The following PDE4D variants were observed in gnomAD, a reference collection of about 807,000 sequenced individuals.
PDE4D encodes 3',5'-cyclic-AMP phosphodiesterase 4D.
A neutral mutation model predicts 87.4 loss-of-function variants in PDE4D; 24 were observed. The observed-to-expected ratio is 0.27, with a 90% CI of 0.20 to 0.39. The LOEUF (loss-of-function observed/expected upper bound fraction) is 0.39, where lower values mean the gene tolerates loss of function less well. Among genes scored for constraint, PDE4D ranks in the 10% least tolerant of loss-of-function variants. PDE4D has a pLI of 1.00. For synonymous variants in PDE4D, 384 were observed against 383.2 expected (o/e 1.00, Z -0.02); for missense variants, 714 against 1,041.0 (o/e 0.69, Z 4.32).
intron 1 of PDE4D, among the ~76,000 whole-genome samples, chr5:59,353,635 C>A (rs1222746697): frequency 1.3e-5 from 2 of 151,884 alleles, no homozygotes; most frequent in African/African-American, 2.4e-5. Context: ...TCTGGGCTCA[C>A]AGAGAAAAAG....
chr5:59,713,478 G>C (rs1295110917), intron 1 of PDE4D, among the ~76,000 whole-genome samples: 2 of 152,184 alleles, frequency 1.3e-5, no homozygotes, highest in Non-Finnish European at 2.9e-5. Context: ...CTCACACTCA[G>C]ACAGTAAAGG....
intron 1 of PDE4D, among the ~76,000 whole-genome samples, chr5:59,582,233 A>T (rs957984668): frequency 6.6e-6 from 1 of 152,198 alleles, no homozygotes; most frequent in Admixed American, 6.5e-5. Flanking sequence ...ATTATCTTAC[A>T]TGAGACTTGA....
intron 1 of PDE4D, among the ~76,000 whole-genome samples, chr5:60,415,516 C>T (rs764883195): frequency 6.6e-5 from 10 of 152,216 alleles, no homozygotes; most frequent in Non-Finnish European, 1.5e-4. Flanking sequence ...GTGCGAGTTC[C>T]GGTGGGCGTG....
intron 1 of PDE4D, among the ~76,000 whole-genome samples, chr5:59,683,269 T>C (rs796875653): frequency 7.9e-5 from 12 of 152,168 alleles, no homozygotes; most frequent in African/African-American, 2.9e-4. Flanking sequence ...GAGACAGAGA[T>C]TGAATAAAGT....
At chr5:60,477,516 G>A (rs537189648) in intron 1 of PDE4D, among the ~76,000 whole-genome samples, 1 of 152,230 alleles carries the variant, frequency 6.6e-6, no homozygotes, top group South Asian at 2.1e-4. Context: ...TTTCCAAAAG[G>A]GAGGCTGTTA....
chr5:59,777,339 G>A (rs1486984028), intron 1 of PDE4D, among the ~76,000 whole-genome samples: 2 of 152,176 alleles, frequency 1.3e-5, no homozygotes, highest in Non-Finnish European at 2.9e-5. Flanking sequence ...GAGGGATGGG[G>A]CCATGCCTCT....
chr5:60,433,686 A>T (rs1408775550), intron 1 of PDE4D, among the ~76,000 whole-genome samples: 1 of 152,242 alleles, frequency 6.6e-6, no homozygotes, highest in Non-Finnish European at 1.5e-5. Context: ...GGTCAACAAC[A>T]TTAGACTGAA....
intron 1 of PDE4D, among the ~76,000 whole-genome samples, chr5:59,368,000 G>A (rs979524412): frequency 2.0e-5 from 3 of 152,186 alleles, no homozygotes; most frequent in East Asian, 3.9e-4. Flanking sequence ...AGAGGTTTTC[G>A]TGACTGTACC....
At chr5:59,993,291 GAC>G (rs1763195721) in intron 2 of PDE4D, among the ~76,000 whole-genome samples, 1 of 152,124 alleles carries the variant, frequency 6.6e-6, no homozygotes, top group African/African-American at 2.4e-5. Context: ...TGACATTTTA[GAC>G]ATAGTTTAAT....
intron 1 of PDE4D, among the ~76,000 whole-genome samples, chr5:60,501,433 C>T (rs1041471415): frequency 6.6e-6 from 1 of 151,852 alleles, no homozygotes; most frequent in Non-Finnish European, 1.5e-5. Flanking sequence ...CAAGTCTTTG[C>T]TATTGTGAAT....
intron 2 of PDE4D, among the ~76,000 whole-genome samples, chr5:59,206,513 C>G (rs1433081256): frequency 6.6e-6 from 1 of 152,058 alleles, no homozygotes; most frequent in African/African-American, 2.4e-5. Context: ...CTAAGACTGA[C>G]AAGCAAAAGT....
At chr5:59,010,618 C>T (rs1341962628) in intron 6 of PDE4D, among the ~76,000 whole-genome samples, 2 of 151,996 alleles carry the variant, frequency 1.3e-5, no homozygotes, top group South Asian at 2.1e-4. Context: ...TATGCTCATT[C>T]TAGGCTGTAA....
At chr5:60,454,690 C>T (rs1031389788) in intron 1 of PDE4D, among the ~76,000 whole-genome samples, 4 of 152,090 alleles carry the variant, frequency 2.6e-5, no homozygotes, top group East Asian at 1.9e-4. Context: ...AAATAGCTAA[C>T]GCATGCGGGG....
chr5:59,639,606 G>A (rs979409519), intron 1 of PDE4D, among the ~76,000 whole-genome samples: 1 of 152,120 alleles, frequency 6.6e-6, no homozygotes, highest in Non-Finnish European at 1.5e-5. Context: ...GTGAACAACT[G>A]GGGAGTACAT....
rs555560684 is a variant in PDE4D, at chr5:59,600,811, C to T, written c.455+292357G>A. ...GAAACAACAGTTGTGATAGCACCTG[C>T]GATAACAAATGTAAATAAAAACAAA... On this transcript the variant is annotated intron_variant, in intron 1 of 14. Coordinates refer to ENST00000340635, the MANE Select transcript of PDE4D (RefSeq NM_001104631.2). Among the ~76,000 whole-genome samples the T allele has an allele frequency of 5.3e-5, 8 of 152,184 alleles. No homozygotes were observed. In the East Asian group the frequency reaches 9.6e-4, roughly 18 times the overall value.
chr5:60,274,407 G>A (rs1016648254), intron 1 of PDE4D, among the ~76,000 whole-genome samples: 2 of 152,094 alleles, frequency 1.3e-5, no homozygotes, highest in African/African-American at 4.8e-5. Flanking sequence ...AGGCTGGAGT[G>A]CAGAGTGCAG....
intron 3 of PDE4D, among the ~76,000 whole-genome samples, chr5:59,949,751 C>T (rs1469289371): frequency 6.6e-6 from 1 of 152,182 alleles, no homozygotes; most frequent in Non-Finnish European, 1.5e-5. Context: ...ATTATCTACT[C>T]TCTAAATCCA....
chr5:60,042,555 G>C (rs796110418), intron 2 of PDE4D, among the ~76,000 whole-genome samples: 12 of 152,296 alleles, frequency 7.9e-5, no homozygotes, highest in African/African-American at 2.9e-4. Context: ...GATCCAGCTG[G>C]CATCTGGTGG....
chr5:59,038,762 C>A, intron 6 of PDE4D, 97 bp downstream of exon 6: 6 of 1,029,930 alleles, frequency 5.8e-6, no homozygotes, highest in South Asian at 4.2e-5. Flanking sequence ...GCCTAAAAAA[C>A]CTCTCAATTT....
Sources: allele counts gnomAD v4.1 joint callset (sites outside exome capture counted in the v4.1 genomes callset), GRCh38; gene constraint gnomAD v4.1.1; transcripts MANE v1.5; gene names NCBI Gene and HGNC (gene_info 2026-07-23, HGNC 2026-07-21).